Variants in SDK1 observed in about 807,000 individuals in gnomAD.
The protein encoded by SDK1 is protein sidekick-1.
Under a neutral mutation model 245.5 loss-of-function variants are expected in SDK1, and 157 were observed. The observed-to-expected ratio is 0.64, with a 90% confidence interval of 0.56 to 0.73. The LOEUF (loss-of-function observed/expected upper bound fraction) is 0.73, where lower values mean the gene tolerates loss of function less well. SDK1 is among the 30% of genes least tolerant of loss of function. The pLI is 0.00. For synonymous variants in SDK1, 1,647 were observed against 1,278.5 expected (o/e 1.29, Z -6.15); for missense variants, 3,583 against 3,002.3 (o/e 1.19, Z -4.52).
intron 4 of SDK1, among the ~76,000 whole-genome samples, chr7:3,652,198 C>T (rs932857250): frequency 3.3e-5 from 5 of 152,272 alleles, no homozygotes; most frequent in East Asian, 1.9e-4. Flanking sequence ...AGAAACCGCG[C>T]GTGTCTCTGA....
At chr7:4,054,497 G>T (rs1779083967) in intron 19 of SDK1, among the ~76,000 whole-genome samples, 1 of 152,144 alleles carries the variant, frequency 6.6e-6, no homozygotes, top group Non-Finnish European at 1.5e-5. Context: ...GTAGGTTTGT[G>T]TATCTACCAC....
At chr7:4,264,911 C>G (rs181460158) in intron 44 of SDK1, among the ~76,000 whole-genome samples, 148 of 147,568 alleles carry the variant, frequency 1.0e-3, no homozygotes, top group African/African-American at 3.5e-3. Context: ...AATGCAGTGT[C>G]GGTCACACCT....
chr7:3,456,688 G>A lies in SDK1; in HGVS notation c.298+154804G>A, dbSNP rs182806519. 4.9e-3 allele frequency among the ~76,000 whole-genome samples: 743 copies of A among 152,118 alleles called. 3 individuals carry two copies. The highest frequency in any genetic ancestry group is 7.7e-3 in the Non-Finnish European group (526 of 67,992). ...TCCTTGTCAGATAATTCCAACATAT[G>A]TCTCTTCTTGGTGCTGGCATCAGCT... On this transcript the variant is annotated intron_variant, in intron 1 of 44. Coordinates refer to ENST00000404826, the MANE Select transcript of SDK1 (RefSeq NM_152744.4).
At chr7:4,092,385 T>G (rs1390930290) in intron 22 of SDK1, among the ~76,000 whole-genome samples, 1 of 152,136 alleles carries the variant, frequency 6.6e-6, no homozygotes, top group Non-Finnish European at 1.5e-5. Context: ...TCCCATGGGC[T>G]CCCTGGTCCA....
intron 1 of SDK1, among the ~76,000 whole-genome samples, chr7:3,541,531 C>T (rs1381677169): frequency 2.6e-5 from 4 of 152,358 alleles, no homozygotes; most frequent in East Asian, 3.9e-4. Flanking sequence ...TTTAATATGT[C>T]AGTCCTTCTG....
At chr7:4,233,634 G>T (rs544352017) in intron 41 of SDK1, among the ~76,000 whole-genome samples, 1 of 152,168 alleles carries the variant, frequency 6.6e-6, no homozygotes, top group Non-Finnish European at 1.5e-5. Context: ...AAGGACGGGA[G>T]AGAGAAATGA....
At chr7:3,714,740 A>G (rs1785151727) in intron 4 of SDK1, among the ~76,000 whole-genome samples, 2 of 152,218 alleles carry the variant, frequency 1.3e-5, no homozygotes, top group South Asian at 4.1e-4. Flanking sequence ...CCATGCTTGA[A>G]GCGTTGAGTG....
chr7:4,186,246 C>G (rs1419323191), intron 35 of SDK1, among the ~76,000 whole-genome samples: 3 of 152,192 alleles, frequency 2.0e-5, no homozygotes, highest in African/African-American at 7.2e-5. Context: ...CAAGTTCTAC[C>G]CACTTTGCCC....
At position 4,079,369 on chromosome 7, in the gene SDK1, G is replaced by T; in HGVS notation, c.3203-94G>T. ...TCCTTTTTTGGTATAGAATCGTTTT[G>T]AAACTGTTTACTTTTGAAGCTGACA... On this transcript the variant is annotated intron_variant, in intron 21 of 44. Transcript: ENST00000404826. The T allele has an allele frequency of 4.3e-5, 63 of 1,456,174 alleles. No homozygotes were observed. In the African/African-American group the frequency reaches 6.2e-4, roughly 14 times the overall value. The allele number at this position is 1,456,174 out of a possible 1,614,324, so 90.2% of individuals were successfully genotyped here. A position where few individuals can be genotyped will look rare whatever the true frequency, so the allele number is the denominator to read the frequency against.
chr7:4,052,249 C>A (rs1333676220), intron 19 of SDK1, among the ~76,000 whole-genome samples: 1 of 151,212 alleles, frequency 6.6e-6, no homozygotes, highest in Non-Finnish European at 1.5e-5. Context: ...CTTCTAAGCT[C>A]CCTGAGTTTG....
chr7:3,474,314 T>G (rs1321966911), intron 1 of SDK1, among the ~76,000 whole-genome samples: 1 of 151,888 alleles, frequency 6.6e-6, no homozygotes, highest in Non-Finnish European at 1.5e-5. Flanking sequence ...CAGGATGGTC[T>G]CGGTCTCTTG....
intron 4 of SDK1, among the ~76,000 whole-genome samples, chr7:3,777,156 G>T (rs780081694): frequency 1.3e-5 from 2 of 152,170 alleles, no homozygotes; most frequent in Non-Finnish European, 2.9e-5. Context: ...TCACTGTAGG[G>T]CTGTAAACTT....
intron 1 of SDK1, among the ~76,000 whole-genome samples, chr7:3,390,246 C>G (rs994267506): frequency 2.0e-5 from 3 of 152,128 alleles, no homozygotes; most frequent in African/African-American, 7.2e-5. Flanking sequence ...GCCTGCCCTA[C>G]AAACTATACT....
intron 1 of SDK1, among the ~76,000 whole-genome samples, chr7:3,395,964 C>T (rs1177947239): frequency 6.6e-6 from 1 of 151,474 alleles, no homozygotes; most frequent in Admixed American, 6.6e-5. Context: ...TTAATTTCTC[C>T]TGTCATCTTT....
At chr7:4,053,400 A>AG (rs1447219607) in intron 19 of SDK1, among the ~76,000 whole-genome samples, 1 of 151,858 alleles carries the variant, frequency 6.6e-6, no homozygotes, top group Non-Finnish European at 1.5e-5. Context: ...GGCCTTTCTA[A>AG]GGGTCCTCCG....
At chr7:3,558,607 G>A (rs1035683970) in intron 1 of SDK1, among the ~76,000 whole-genome samples, 1 of 152,208 alleles carries the variant, frequency 6.6e-6, no homozygotes, top group Non-Finnish European at 1.5e-5. Flanking sequence ...GTAAGAGCTG[G>A]GAGGGGGCAG....
intron 44 of SDK1, among the ~76,000 whole-genome samples, chr7:4,248,355 C>CAAACACACAT (rs374018809): frequency 6.6e-6 from 1 of 151,020 alleles, no homozygotes; most frequent in African/African-American, 2.4e-5. Flanking sequence ...TGCACACACA[C>CAAACACACAT]GTTTACCTAA....
Position 3,595,488 on chromosome 7 carries a change from C to T in SDK1, c.299-23592C>T, listed in dbSNP as rs11973803. Among the ~76,000 whole-genome samples the T allele has an allele frequency of 4.7e-3, 720 of 152,144 alleles. 9 individuals carry two copies. Among genetic ancestry groups the T allele is most frequent in the African/African-American group, 0.016 (674 of 41,508 alleles). ...TATTTTCTCATTTTTGAAACAGAAA[C>T]ATAAACTGTTGCCTCCGATATATTT... On this transcript the variant is annotated intron_variant, in intron 1 of 44. Coordinates refer to ENST00000404826, the MANE Select transcript of SDK1 (RefSeq NM_152744.4).
chr7:3,663,822 T>C (rs1440145625), intron 4 of SDK1, among the ~76,000 whole-genome samples: 1 of 152,226 alleles, frequency 6.6e-6, no homozygotes, highest in African/African-American at 2.4e-5. Flanking sequence ...AATCTAAGAT[T>C]AGCTAACTAT....
Sources: gnomAD v4.1 joint callset for allele counts (sites outside exome capture counted in the v4.1 genomes callset) on GRCh38, gnomAD v4.1.1 for gene constraint, MANE v1.5 for transcripts, NCBI Gene and HGNC (gene_info 2026-07-23, HGNC 2026-07-21) for gene names.